Variants in NELL1 observed in about 807,000 individuals in gnomAD.
NELL1 encodes protein kinase C-binding protein NELL1.
A neutral mutation model predicts 107.4 loss-of-function variants in NELL1; 76 were observed. The observed-to-expected ratio is 0.71, with a 90% CI of 0.59 to 0.86. The LOEUF (loss-of-function observed/expected upper bound fraction) is 0.86, where lower values mean the gene tolerates loss of function less well. Among genes scored for constraint, NELL1 ranks in the 40% least tolerant of loss-of-function variants. NELL1 has a pLI of 0.00. For synonymous variants in NELL1, 353 were observed against 341.2 expected (o/e 1.03, Z -0.38); for missense variants, 1,024 against 1,005.5 (o/e 1.02, Z -0.25).
intron 12 of NELL1, among the ~76,000 whole-genome samples, chr11:20,963,765 T>C (rs1851335864): frequency 1.3e-5 from 2 of 152,070 alleles, no homozygotes; most frequent in Non-Finnish European, 2.9e-5. Flanking sequence ...TCTGAGTAAA[T>C]GGGATGAAAA....
At chr11:20,706,449 A>G (rs982267948) in intron 2 of NELL1, among the ~76,000 whole-genome samples, 2 of 146,284 alleles carry the variant, frequency 1.4e-5, no homozygotes, top group African/African-American at 5.0e-5. Flanking sequence ...GTTTTTACTC[A>G]GAGGTGGGGA....
intron 12 of NELL1, among the ~76,000 whole-genome samples, chr11:21,080,556 G>A (rs1415775826): frequency 6.6e-6 from 1 of 152,030 alleles, no homozygotes; most frequent in Non-Finnish European, 1.5e-5. Context: ...TAGTGTGGCT[G>A]TGGCATGATT....
intron 13 of NELL1, among the ~76,000 whole-genome samples, chr11:21,220,796 AATATT>A (rs1489189748): frequency 1.3e-5 from 2 of 152,044 alleles, no homozygotes; most frequent in Non-Finnish European, 2.9e-5. Flanking sequence ...TTCAATATAT[AATATT>A]ATATCGTCTG....
intron 15 of NELL1, among the ~76,000 whole-genome samples, chr11:21,474,648 C>T (rs191238171): frequency 1.7e-3 from 264 of 152,222 alleles, no homozygotes; most frequent in African/African-American, 5.8e-3. Flanking sequence ...CTTTGAAGAG[C>T]ATGCTCTAGT....
At chr11:21,156,107 A>G (rs1856226935) in intron 13 of NELL1, among the ~76,000 whole-genome samples, 1 of 152,138 alleles carries the variant, frequency 6.6e-6, no homozygotes, top group Admixed American at 6.6e-5. Context: ...CCACTTATTA[A>G]TGGGTCCCAG....
rs1199157497 is a variant in NELL1, at chr11:20,937,827, C to T, written c.1039C>T (p.Arg347Trp). ...AGGAAAAGTTCTTGCAGAAGGCCAG[C>T]GGATTTTAACCAAGAGCTGTCGGGA... ...YGGKVLAEGQ[R>W]ILTKSCRECR... The change falls in exon 10 of 20, where the codon CGG (arginine) becomes TGG (tryptophan). Residue 347 changes from arginine to tryptophan, a missense_variant. By Grantham distance (101) the Arg-to-Trp change is moderately radical. Transcript: ENST00000357134. 12 of 1,613,988 alleles carry T rather than the reference C, an allele frequency of 7.4e-6. No homozygotes were observed. Among genetic ancestry groups the T allele is most frequent in the Middle Eastern group, 3.3e-4 (2 of 6,060 alleles).
At chr11:21,383,710 A>G (rs943306991) in intron 15 of NELL1, 5 of 149,448 alleles carry the variant, frequency 3.3e-5, no homozygotes, top group African/African-American at 1.2e-4. Context: ...TTTATACATA[A>G]GTATGATATT....
At chr11:21,067,851 G>T (rs1349810423) in intron 12 of NELL1, among the ~76,000 whole-genome samples, 1 of 151,676 alleles carries the variant, frequency 6.6e-6, no homozygotes, top group African/African-American at 2.4e-5. Flanking sequence ...TAGCCAACAT[G>T]GTGAAACCTG....
At chr11:20,844,620 G>C (rs1019369271) in intron 3 of NELL1, among the ~76,000 whole-genome samples, 1 of 152,142 alleles carries the variant, frequency 6.6e-6, no homozygotes, top group African/African-American at 2.4e-5. Context: ...ACCTGGCAGC[G>C]CCACGTGGCT....
At chr11:21,415,469 CTTG>C (rs1253591810) in intron 15 of NELL1, among the ~76,000 whole-genome samples, 1 of 152,036 alleles carries the variant, frequency 6.6e-6, no homozygotes, top group Non-Finnish European at 1.5e-5. Flanking sequence ...ACTTTCTCTT[CTTG>C]TTGATCTGTA....
chr11:21,055,378 A>G (rs1853588130), intron 12 of NELL1, among the ~76,000 whole-genome samples: 1 of 151,944 alleles, frequency 6.6e-6, no homozygotes, highest in Admixed American at 6.6e-5. Flanking sequence ...ATACATTTTA[A>G]TTGGAATTGC....
In NELL1 at chr11:20,876,636, G is replaced by A. The variant is rs113016126; in HGVS notation, c.507-8808G>A. Reference sequence around the variant, plus strand: ...AAAAATTAGCTGGGCGCAGTGGCGGGTGCCTGTAGTCCCAGCTACTTGGGA... The same window carrying A: ...AAAAATTAGCTGGGCGCAGTGGCGGATGCCTGTAGTCCCAGCTACTTGGGA... On this transcript the variant is annotated intron_variant, in intron 4 of 19. Transcript: ENST00000357134. 9.6e-3 allele frequency among the ~76,000 whole-genome samples: 1,459 copies of A among 152,176 alleles called. 27 individuals are homozygous for A. Among genetic ancestry groups the A allele is most frequent in the African/African-American group, 0.034 (1,392 of 41,526 alleles).
intron 13 of NELL1, among the ~76,000 whole-genome samples, chr11:21,120,725 A>G (rs181299377): frequency 6.6e-6 from 1 of 152,284 alleles, no homozygotes; most frequent in East Asian, 1.9e-4. Context: ...TTGCTTGTTA[A>G]AGATAACCAG....
At chr11:20,928,522 G>A in intron 9 of NELL1, 43 bp downstream of exon 9, 1 of 1,471,392 alleles carries the variant, frequency 6.8e-7, no homozygotes, top group Non-Finnish European at 9.5e-7. Context: ...TGTGTTTTGA[G>A]ATTTATTTAT....
At chr11:20,966,835 C>A (rs905092716) in intron 12 of NELL1, among the ~76,000 whole-genome samples, 1 of 151,888 alleles carries the variant, frequency 6.6e-6, no homozygotes, top group Non-Finnish European at 1.5e-5. Flanking sequence ...CTCCCCACCC[C>A]CTGCCGCCCC....
At chr11:21,156,751 G>A (rs1051018548) in intron 13 of NELL1, among the ~76,000 whole-genome samples, 2 of 152,068 alleles carry the variant, frequency 1.3e-5, no homozygotes, top group South Asian at 2.1e-4. Context: ...AAATCGTTTA[G>A]TATAATGCTG....
intron 15 of NELL1, among the ~76,000 whole-genome samples, chr11:21,391,911 T>C (rs1272034470): frequency 6.6e-6 from 1 of 151,856 alleles, no homozygotes. Context: ...GGGATGCTGA[T>C]GTCAATGATT....
intron 2 of NELL1, among the ~76,000 whole-genome samples, chr11:20,745,412 G>A (rs992333090): frequency 1.3e-5 from 2 of 152,088 alleles, no homozygotes; most frequent in Admixed American, 6.6e-5. Flanking sequence ...AACAGCAATC[G>A]AAAGCCATGA....
chr11:21,352,926 GT>G (rs1207692962), intron 14 of NELL1, among the ~76,000 whole-genome samples: 5 of 152,114 alleles, frequency 3.3e-5, no homozygotes, highest in African/African-American at 1.2e-4. Context: ...CTCTGTGCCT[GT>G]CCTTTCTTTG....
Sources: allele counts gnomAD v4.1 joint callset (sites outside exome capture counted in the v4.1 genomes callset), GRCh38; gene constraint gnomAD v4.1.1; transcripts MANE v1.5; gene names NCBI Gene and HGNC (gene_info 2026-07-23, HGNC 2026-07-21).